CPAMD8: variants seen among roughly 807,000 people sequenced by gnomAD.
CPAMD8 encodes the protein C3 and PZP-like alpha-2-macroglobulin domain-containing protein 8.
A neutral mutation model predicts 224.7 loss-of-function variants in CPAMD8; 146 were observed. That is an observed-to-expected ratio of 0.65 (90% CI 0.57 to 0.75). The LOEUF is 0.75. Ranked by LOEUF, CPAMD8 falls within the 30% of genes least tolerant of loss-of-function variation. CPAMD8 has a pLI of 0.00. For synonymous variants in CPAMD8, 966 were observed against 1,044.6 expected, an observed-to-expected ratio of 0.92 and a Z score of 1.45; for missense variants, 2,301 against 2,537.5, an observed-to-expected ratio of 0.91 and a Z score of 2.00.
At chr19:16,895,988 G>C in intron 41 of CPAMD8, 188 bp downstream of exon 41, 1 of 726,906 alleles carries the variant, frequency 1.4e-6, no homozygotes, top group South Asian at 1.5e-5. Context: ...CAGGGTGGAG[G>C]GAGGATGAAT....
intron 25 of CPAMD8, among the ~76,000 whole-genome samples, chr19:16,927,669 T>C (rs1189678005): frequency 3.3e-5 from 5 of 152,190 alleles, no homozygotes; most frequent in African/African-American, 1.2e-4. Context: ...ATCTTGTCCT[T>C]GGCCCACTGC....
rs2056652638 is a variant in CPAMD8 at position 17,011,599 on chromosome 19, C to G, written c.426G>C (p.Gln142His). Residue 142 changes from glutamine to histidine, a missense_variant, in exon 4 of 42, where the codon CAG (glutamine) becomes CAC (histidine). This residue lies in a region of CPAMD8 where 283 missense variants were observed against 340.6 expected (regional missense o/e 0.83). Transcript: ENST00000443236. Reference protein sequence around the residue: ...IQTDKPVYRPQHRVLISIFTV... With the variant: ...IQTDKPVYRPHHRVLISIFTV... ...TCCATGCTGGCCACTCACCTCGGTG[C>G]TGGGGTCTGTACACAGGCTTGTCCG... The G allele has an allele frequency of 6.2e-7, 1 of 1,614,178 alleles. No homozygotes were observed. Among genetic ancestry groups the G allele is most frequent in the Non-Finnish European group, 8.5e-7 (1 of 1,180,014 alleles).
chr19:16,945,298 T>G (rs1367489427), intron 22 of CPAMD8, among the ~76,000 whole-genome samples: 1 of 152,176 alleles, frequency 6.6e-6, no homozygotes, highest in Non-Finnish European at 1.5e-5. Context: ...CAGGGAGCAC[T>G]TGCTGCAGCC....
At chr19:17,020,412 TGA>T in intron 2 of CPAMD8, 59 bp from the exon 3 acceptor site, 1 of 1,251,288 alleles carries the variant, frequency 8.0e-7, no homozygotes, top group Admixed American at 1.7e-5. Flanking sequence ...CCTGCCTCCC[TGA>T]GCTGCAGCCT....
rs1212387047 is a variant in CPAMD8 at position 16,945,644 on chromosome 19, G to C, written c.2698C>G (p.Arg900Gly). 6.2e-7 allele frequency: 1 copy of C among 1,614,080 alleles called. No individual in the cohort carries two copies. The highest frequency in any genetic ancestry group is 2.2e-5 in the East Asian group (1 of 44,884). Residue 900 changes from arginine to glycine, a missense_variant, in exon 22 of 42, where the codon CGG (arginine) becomes GGG (glycine). Around this residue, in one of 4 missense-constraint regions of CPAMD8, gnomAD observed 1,709 missense variants for 1,753.2 expected, o/e 0.97. Coordinates refer to ENST00000443236, the MANE Select transcript of CPAMD8 (RefSeq NM_015692.5). ...GGGTGTTTGCTGGACCTCCCATCCC[G>C]GCAGCAATTTGTGTCTCCGTAAGCA... Reference protein sequence around the residue: ...ALAYGDTNCCRDGRSSKHPEE... With the variant: ...ALAYGDTNCCGDGRSSKHPEE...
chr19:16,904,306 C>G lies in CPAMD8; in HGVS notation c.4171G>C (p.Gly1391Arg), dbSNP rs1446649563. 1 of 1,613,774 alleles carries G rather than the reference C, an allele frequency of 6.2e-7. No individual in the cohort carries two copies. Among genetic ancestry groups the G allele is most frequent in the East Asian group, 2.2e-5 (1 of 44,878 alleles). ...AYALLTYTLL[G>R]DVAAALPVVK... ...ACAGGCAGGGCGGCAGCCACGTCAC[C>G]CAGCAGAGTGTAGGTCAGAAGGGCG... The change falls in exon 32 of 42, where the codon GGT becomes CGT. Residue 1391 changes from glycine to arginine, a missense_variant. Transcript: ENST00000443236.
chr19:16,987,179 A>AATATATATATATATATATATAT (rs775029154), intron 13 of CPAMD8, among the ~76,000 whole-genome samples: 24 of 53,908 alleles, frequency 4.5e-4, no homozygotes, highest in African/African-American at 1.0e-3. Flanking sequence ...AAAAAAAAAA[A>AATATATATATATATATATATAT]ATATATATAT....
In CPAMD8 at chr19:16,894,984, G is replaced by A. The variant is rs529400614; in HGVS notation, c.5426+1192C>T. ...CACTAGCTGGGCGTGGTGGTAGTGT[G>A]TGCCTGTGGTCCCAGCTACTCAGGA... On this transcript the variant is annotated intron_variant, in intron 41 of 41. Transcript: ENST00000443236. The A allele has an allele frequency of 2.5e-5, 4 of 161,480 alleles. No homozygotes were observed. The East Asian group carries it at 7.1e-4, about 29-fold the overall frequency. 10.0% of individuals were successfully genotyped at this position (161,480 alleles called of 1,614,324 possible).
rs577742108 is a variant in CPAMD8 at position 16,951,909 on chromosome 19, C to G, written c.2508+60G>C. 5 of 1,065,178 alleles carry G rather than the reference C, an allele frequency of 4.7e-6. No homozygotes were observed. The South Asian group carries it at 5.5e-5, about 12-fold the overall frequency. The allele number at this position is 1,065,178 out of a possible 1,614,324, so 66.0% of individuals were successfully genotyped here. On this transcript the variant is annotated intron_variant, in intron 20 of 41. Transcript: ENST00000443236. The stretch of plus-strand genomic sequence containing the variant: ...CCCACCCCTGCCTACCTTATAGCAC[C>G]AATGCAGTCCCAACTCCCCACTGAA...
chr19:17,011,384 A>G, intron 5 of CPAMD8, 80 bp downstream of exon 5: 2 of 1,436,204 alleles, frequency 1.4e-6, no homozygotes, highest in Non-Finnish European at 9.8e-7. Flanking sequence ...GGAGAGAAAG[A>G]CCCGTTTCCG....
At chr19:16,980,963 G>T (rs544096282) in intron 13 of CPAMD8, among the ~76,000 whole-genome samples, 1 of 150,272 alleles carries the variant, frequency 6.7e-6, no homozygotes, top group East Asian at 1.9e-4. Flanking sequence ...AGCCTCCTGG[G>T]TAGCTATTAC....
At chr19:16,907,144 C>T in intron 29 of CPAMD8, 27 bp from the exon 30 acceptor site, 2 of 1,518,274 alleles carry the variant, frequency 1.3e-6, no homozygotes, top group Non-Finnish European at 1.8e-6. Flanking sequence ...GAAGGTGAAA[C>T]CTGGGAGGCT....
At chr19:16,961,305 T>G (rs1481829419) in intron 18 of CPAMD8, among the ~76,000 whole-genome samples, 1 of 152,242 alleles carries the variant, frequency 6.6e-6, no homozygotes, top group Non-Finnish European at 1.5e-5. Context: ...CAGGACACTC[T>G]CGCCCAAATA....
chr19:17,009,252 T>TCTTG, intron 6 of CPAMD8, 51 bp downstream of exon 6: 1 of 1,613,656 alleles, frequency 6.2e-7, no homozygotes, highest in Non-Finnish European at 8.5e-7. Flanking sequence ...TTGCAGAAGG[T>TCTTG]GGGCTACCCG....
intron 23 of CPAMD8, among the ~76,000 whole-genome samples, chr19:16,935,244 T>C (rs1487591909): frequency 6.6e-6 from 1 of 152,228 alleles, no homozygotes; most frequent in South Asian, 2.1e-4. Context: ...ATAAAATCCA[T>C]CAATCTTATT....
chr19:16,915,587 C>A (rs1001477552), intron 27 of CPAMD8, among the ~76,000 whole-genome samples: 1 of 152,172 alleles, frequency 6.6e-6, no homozygotes, highest in Non-Finnish European at 1.5e-5. Flanking sequence ...CCTGCTTTTG[C>A]AGGTGCCACC....
chr19:17,022,546 T>C, intron 1 of CPAMD8, among the ~76,000 whole-genome samples: 1 of 151,458 alleles, frequency 6.6e-6, no homozygotes, highest in Non-Finnish European at 1.5e-5. Flanking sequence ...TCCCCCAGGC[T>C]GGAGTGCAGT....
intron 6 of CPAMD8, among the ~76,000 whole-genome samples, chr19:17,008,947 T>C (rs2056571486): frequency 6.6e-6 from 1 of 151,610 alleles, no homozygotes; most frequent in Non-Finnish European, 1.5e-5. Flanking sequence ...CAAAAAAAAA[T>C]TAGCTGGGTG....
At position 16,901,305 on chromosome 19, in the gene CPAMD8, C is replaced by G; in HGVS notation, c.4686-8G>C. 1.3e-6 allele frequency: 2 copies of G among 1,592,920 alleles called. No individual in the cohort carries two copies. The highest frequency in any genetic ancestry group is 2.2e-5 in the South Asian group (2 of 89,838). On this transcript the variant is annotated splice_region_variant and splice_polypyrimidine_tract_variant and intron_variant, in intron 35 of 41. Transcript: ENST00000443236. ...GACCCTGCATGCAGCCACCTTCCAA[C>G]AACAGGGGAGAGAGAGAGGCCCTAG...
Sources: gnomAD v4.1 joint callset for allele counts (sites outside exome capture counted in the v4.1 genomes callset) on GRCh38, gnomAD v4.1.1 for gene constraint, gnomAD v4.1.1 regional missense constraint, MANE v1.5 for transcripts, NCBI Gene and HGNC (gene_info 2026-07-23, HGNC 2026-07-21) for gene names.